TBCK: variants seen among roughly 807,000 people sequenced by gnomAD.
TBCK encodes the protein TBC1 domain containing kinase, also known as TBC domain-containing protein kinase-like protein.
A neutral mutation model predicts 113.4 loss-of-function variants in TBCK; 99 were observed. The observed-to-expected ratio is 0.87, with a 90% CI of 0.74 to 1.03. The LOEUF (loss-of-function observed/expected upper bound fraction) is 1.03, where lower values mean the gene tolerates loss of function less well. Among genes scored for constraint, TBCK ranks in the 50% least tolerant of loss-of-function variants. TBCK has a pLI of 0.00. For synonymous variants in TBCK, 369 were observed against 370.8 expected, an observed-to-expected ratio of 1.00 and a Z score of 0.05; for missense variants, 1,045 against 1,061.3, an observed-to-expected ratio of 0.98 and a Z score of 0.21.
At chr4:106,217,187 T>A (rs1256528511) in intron 19 of TBCK, among the ~76,000 whole-genome samples, 3 of 152,076 alleles carry the variant, frequency 2.0e-5, no homozygotes, top group African/African-American at 7.2e-5. Flanking sequence ...CTAAAAACTC[T>A]CAATAAATTA....
chr4:106,264,839 G>C (rs977344299), intron 3 of TBCK, among the ~76,000 whole-genome samples: 2 of 151,822 alleles, frequency 1.3e-5, no homozygotes, highest in Admixed American at 6.6e-5. Flanking sequence ...AGCATGAGTA[G>C]AATATTTTCA....
intron 22 of TBCK, among the ~76,000 whole-genome samples, chr4:106,174,613 A>G (rs1435183739): frequency 6.6e-6 from 1 of 152,074 alleles, no homozygotes; most frequent in East Asian, 1.9e-4. Flanking sequence ...GTAGTCCTTC[A>G]GTTACACAAA....
intron 10 of TBCK, among the ~76,000 whole-genome samples, chr4:106,246,572 G>A (rs569875940): frequency 1.3e-5 from 2 of 152,022 alleles, no homozygotes; most frequent in Non-Finnish European, 2.9e-5. Flanking sequence ...TAGCTCAAAT[G>A]TGTGTGTTTA....
At chr4:106,171,055 C>A in intron 23 of TBCK, 40 bp downstream of exon 23, 1 of 1,497,746 alleles carries the variant, frequency 6.7e-7, no homozygotes, top group Non-Finnish European at 9.0e-7. Flanking sequence ...TAACATCCAT[C>A]TCCTTTTAGA....
chr4:106,172,367 G>C (rs1579119830), intron 22 of TBCK, among the ~76,000 whole-genome samples: 1 of 152,046 alleles, frequency 6.6e-6, no homozygotes, highest in Non-Finnish European at 1.5e-5. Context: ...TATCTCTTTA[G>C]GAGGCCAACA....
chr4:106,266,109 T>TA (rs748148562), intron 3 of TBCK, among the ~76,000 whole-genome samples: 59 of 151,460 alleles, frequency 3.9e-4, no homozygotes, highest in African/African-American at 1.3e-3. Flanking sequence ...ATTCCAAACT[T>TA]AAAAAAAATT....
intron 25 of TBCK, among the ~76,000 whole-genome samples, chr4:106,091,640 G>T (rs1373878208): frequency 2.0e-5 from 3 of 152,154 alleles, no homozygotes; most frequent in African/African-American, 7.2e-5. Context: ...CTCCCGGTGG[G>T]TTCGTGGTCT....
In TBCK at chr4:106,046,534, G is replaced by T; in HGVS notation, c.*36C>A. The T allele has an allele frequency of 8.6e-7, 1 of 1,156,886 alleles. No individual in the cohort carries two copies. Among genetic ancestry groups the T allele is most frequent in the South Asian group, 1.2e-5 (1 of 80,686 alleles). 71.7% of individuals were successfully genotyped at this position (1,156,886 alleles called of 1,614,324 possible). A position where few individuals can be genotyped will look rare whatever the true frequency, so the allele number is the denominator to read the frequency against. Reference sequence around the variant, plus strand: ...GAAGAACTGTGCTGTTGGTGCTGATGCCACACTAAGTTTTGGCAGTCACAC... The same window carrying T: ...GAAGAACTGTGCTGTTGGTGCTGATTCCACACTAAGTTTTGGCAGTCACAC... On this transcript the variant is annotated 3_prime_UTR_variant, in exon 26 of 26. Coordinates refer to ENST00000394708, the MANE Select transcript of TBCK (RefSeq NM_001163435.3).
intron 22 of TBCK, among the ~76,000 whole-genome samples, chr4:106,187,728 T>C (rs1022520565): frequency 2.0e-5 from 3 of 152,206 alleles, no homozygotes; most frequent in Non-Finnish European, 4.4e-5. Context: ...ATGATTTCTT[T>C]AAGCAGTGTT....
At chr4:106,121,658 G>A (rs1271219358) in intron 23 of TBCK, among the ~76,000 whole-genome samples, 2 of 152,018 alleles carry the variant, frequency 1.3e-5, no homozygotes, top group African/African-American at 2.4e-5. Context: ...AAAGAATAGA[G>A]ATTATAACAA....
chr4:106,116,396 CAA>C lies in TBCK; in HGVS notation c.2236-20_2236-19del. 1.3e-6 allele frequency: 2 copies of C among 1,549,230 alleles called. No homozygotes were observed. The highest frequency in any genetic ancestry group is 1.8e-6 in the Non-Finnish European group (2 of 1,140,756). ...TCTCTTGACTGAAAAAAAAAATGTA[CAA>C]AAAAAAATATTGAGAATATTATAGA... is the stretch of plus-strand genomic sequence containing the variant. On this transcript the variant is annotated intron_variant, in intron 23 of 25. Coordinates refer to ENST00000394708, the MANE Select transcript of TBCK (RefSeq NM_001163435.3).
At chr4:106,262,676 C>T (rs1418451190) in intron 3 of TBCK, among the ~76,000 whole-genome samples, 4 of 151,976 alleles carry the variant, frequency 2.6e-5, no homozygotes, top group Admixed American at 1.3e-4. Flanking sequence ...CCATATTCAA[C>T]CTATAAAGCA....
chr4:106,171,070 G>A, intron 23 of TBCK, 25 bp downstream of exon 23: 1 of 1,552,284 alleles, frequency 6.4e-7, no homozygotes, highest in Non-Finnish European at 8.7e-7. Flanking sequence ...TTTAGAGTTT[G>A]TAAACTAAAT....
chr4:106,248,332 T>A, intron 8 of TBCK, 26 bp from the exon 9 acceptor site: 1 of 1,447,296 alleles, frequency 6.9e-7, no homozygotes, highest in African/African-American at 1.4e-5. Context: ...AGAAAATAAT[T>A]AATTAAAATG....
At chr4:106,051,080 A>G (rs1024645677) in intron 25 of TBCK, among the ~76,000 whole-genome samples, 2 of 151,926 alleles carry the variant, frequency 1.3e-5, no homozygotes, top group South Asian at 2.1e-4. Context: ...CAGGAGAATA[A>G]GTGAAGAAAA....
intron 13 of TBCK, 57 bp from the exon 14 acceptor site, chr4:106,236,576 TC>T: frequency 7.4e-7 from 1 of 1,359,308 alleles, no homozygotes. Context: ...TACAAAATTT[TC>T]TTTTTTTTTC....
intron 19 of TBCK, among the ~76,000 whole-genome samples, chr4:106,217,110 C>G (rs1269560889): frequency 6.6e-6 from 1 of 151,326 alleles, no homozygotes; most frequent in Non-Finnish European, 1.5e-5. Context: ...GAGCCAAAGA[C>G]AAAAACCACA....
At chr4:106,271,375 G>C (rs932747191) in intron 3 of TBCK, among the ~76,000 whole-genome samples, 4 of 152,140 alleles carry the variant, frequency 2.6e-5, no homozygotes, top group African/African-American at 7.2e-5. Context: ...AGGTTCTCCT[G>C]TGTGTGTTGT....
intron 25 of TBCK, among the ~76,000 whole-genome samples, chr4:106,087,377 G>A (rs1178939218): frequency 5.3e-5 from 8 of 152,104 alleles, no homozygotes; most frequent in African/African-American, 1.9e-4. Flanking sequence ...GCTAACAAGG[G>A]ATGTGAATGC....
Sources: allele counts gnomAD v4.1 joint callset (sites outside exome capture counted in the v4.1 genomes callset), GRCh38; gene constraint gnomAD v4.1.1; transcripts MANE v1.5; gene names NCBI Gene and HGNC (gene_info 2026-07-23, HGNC 2026-07-21).